DNM3: variants seen among roughly 807,000 people sequenced by gnomAD.
The protein encoded by DNM3 is dynamin 3.
DNM3 carries 47 observed loss-of-function variants against 101.6 expected under a neutral mutation model. That is an observed-to-expected ratio of 0.46 (90% CI 0.37 to 0.59). The LOEUF (loss-of-function observed/expected upper bound fraction) is 0.59. DNM3 is among the 20% of genes least tolerant of loss of function. DNM3 has a pLI of 0.00. For synonymous variants in DNM3, 385 were observed against 387.9 expected, an observed-to-expected ratio of 0.99 and a Z score of 0.09; for missense variants, 849 against 1,085.7, an observed-to-expected ratio of 0.78 and a Z score of 3.06.
chr1:172,033,116 G>T lies in DNM3; in HGVS notation c.700G>T (p.Val234Leu). Residue 234 changes from valine (V) to leucine (L), a missense_variant, in exon 6 of 21, where the codon GTG becomes TTG. This residue lies in a region of DNM3 where 388 missense variants were observed against 483.0 expected (regional missense o/e 0.80). Coordinates refer to ENST00000627582, the MANE Select transcript of DNM3 (RefSeq NM_015569.5). Reference sequence around the variant, plus strand: ...GTGTTTTGTTTCAGGTTACGTGGGGGTGGTAAACAGAAGCCAGAAGGACAT... The same window carrying T: ...GTGTTTTGTTTCAGGTTACGTGGGGTTGGTAAACAGAAGCCAGAAGGACAT... Reference protein sequence around the residue: ...LLPLRRGYVGVVNRSQKDIDG... With the variant: ...LLPLRRGYVGLVNRSQKDIDG... 1 of 1,612,208 alleles carries T rather than the reference G, an allele frequency of 6.2e-7. No homozygotes were observed. Among genetic ancestry groups the T allele is most frequent in the South Asian group, 1.1e-5 (1 of 90,672 alleles).
intron 4 of DNM3, among the ~76,000 whole-genome samples, chr1:172,006,994 AT>A (rs759474263): frequency 3.9e-5 from 6 of 152,008 alleles, no homozygotes; most frequent in Non-Finnish European, 8.8e-5. Context: ...TCAGTAGTTC[AT>A]TTTTTTAAAT....
intron 16 of DNM3, 71 bp from the exon 17 acceptor site, chr1:172,323,258 A>C: frequency 6.9e-7 from 1 of 1,457,492 alleles, no homozygotes. Context: ...AGAAGAAAAA[A>C]CCCTCATAAT....
intron 16 of DNM3, among the ~76,000 whole-genome samples, chr1:172,318,729 A>G (rs1161054133): frequency 6.6e-6 from 1 of 152,212 alleles, no homozygotes; most frequent in Non-Finnish European, 1.5e-5. Context: ...TGCTCAATGA[A>G]ATAAAAGAGG....
At chr1:172,298,696 C>T (rs746491474) in intron 15 of DNM3, among the ~76,000 whole-genome samples, 1 of 151,966 alleles carries the variant, frequency 6.6e-6, no homozygotes. Flanking sequence ...ATCATCTTCC[C>T]GGAATCCCCA....
intron 2 of DNM3, among the ~76,000 whole-genome samples, chr1:171,932,125 T>G (rs930103927): frequency 7.1e-6 from 1 of 141,600 alleles, no homozygotes; most frequent in Non-Finnish European, 1.5e-5. Context: ...CCTTCCTCTC[T>G]CTTTCTCTCT....
At chr1:172,025,255 C>T (rs1179257528) in intron 4 of DNM3, among the ~76,000 whole-genome samples, 1 of 152,248 alleles carries the variant, frequency 6.6e-6, no homozygotes, top group African/African-American at 2.4e-5. Context: ...TCTTTAGATT[C>T]CTCCTCTCTG....
In DNM3 at chr1:172,237,536, G is replaced by A. The variant is rs191146090; in HGVS notation, c.1660-16037G>A. Among the ~76,000 whole-genome samples the A allele has an allele frequency of 5.6e-3, 846 of 152,190 alleles. 10 individuals carry two copies. The highest frequency in any genetic ancestry group is 0.019 in the African/African-American group (785 of 41,540). On this transcript the variant is annotated intron_variant, in intron 14 of 20. Coordinates refer to ENST00000627582, the MANE Select transcript of DNM3 (RefSeq NM_015569.5). ...CTATTTTGAATACTTCAACCCTTTC[G>A]AGAGAATTCCAAATACACTTTTTCT...
chr1:171,986,081 G>A (rs2224396), intron 2 of DNM3, among the ~76,000 whole-genome samples: 63,826 of 151,846 alleles, frequency 0.42, 14,566 homozygotes, highest in African/African-American at 0.61. Flanking sequence ...GGATGGGTCC[G>A]AGCAGAGACT....
intron 1 of DNM3, among the ~76,000 whole-genome samples, chr1:171,888,545 C>T (rs1446180161): frequency 6.6e-6 from 1 of 152,172 alleles, no homozygotes; most frequent in Non-Finnish European, 1.5e-5. Flanking sequence ...AATAATTTAA[C>T]TGTTTTCAGT....
chr1:172,350,735 G>A (rs1390442124), intron 17 of DNM3, among the ~76,000 whole-genome samples: 1 of 152,120 alleles, frequency 6.6e-6, no homozygotes, highest in African/African-American at 2.4e-5. Context: ...TATATCAGCA[G>A]GGAACTCATC....
At chr1:172,056,090 C>G (rs1169223739) in intron 10 of DNM3, among the ~76,000 whole-genome samples, 1 of 152,142 alleles carries the variant, frequency 6.6e-6, no homozygotes, top group Admixed American at 6.5e-5. Context: ...CGGACGGCAC[C>G]TGGAAAATCG....
At chr1:172,105,690 A>T (rs1488622077) in intron 13 of DNM3, among the ~76,000 whole-genome samples, 2 of 152,182 alleles carry the variant, frequency 1.3e-5, no homozygotes, top group African/African-American at 4.8e-5. Flanking sequence ...TTAATATGAG[A>T]TGAAGTCTCA....
chr1:171,998,743 T>C (rs1451086795), intron 4 of DNM3, among the ~76,000 whole-genome samples: 1 of 152,104 alleles, frequency 6.6e-6, no homozygotes, highest in South Asian at 2.1e-4. Context: ...TGATTGGGAA[T>C]GCTGTCTTAG....
At chr1:172,047,870 C>T (rs1180438307) in intron 9 of DNM3, among the ~76,000 whole-genome samples, 2 of 152,094 alleles carry the variant, frequency 1.3e-5, no homozygotes, top group African/African-American at 4.8e-5. Context: ...AAGCCTGGAG[C>T]CTGCCAGCCT....
chr1:172,371,623 C>A (rs539037154), intron 17 of DNM3, among the ~76,000 whole-genome samples: 1 of 151,774 alleles, frequency 6.6e-6, no homozygotes, highest in African/African-American at 2.4e-5. Context: ...TATATTACCT[C>A]CACTTATAAG....
At chr1:172,031,143 G>A (rs2048575050) in intron 4 of DNM3, among the ~76,000 whole-genome samples, 1 of 152,102 alleles carries the variant, frequency 6.6e-6, no homozygotes, top group South Asian at 2.1e-4. Flanking sequence ...CAAAGAATTG[G>A]AACCAACCCA....
chr1:171,936,192 A>T (rs907344940), intron 2 of DNM3, among the ~76,000 whole-genome samples: 5 of 151,994 alleles, frequency 3.3e-5, no homozygotes, highest in African/African-American at 1.2e-4. Context: ...CCCCATCTCC[A>T]CTAAAAACAC....
At chr1:172,352,767 C>T (rs2067254595) in intron 17 of DNM3, among the ~76,000 whole-genome samples, 1 of 152,130 alleles carries the variant, frequency 6.6e-6, no homozygotes, top group Non-Finnish European at 1.5e-5. Context: ...TACCCTGGGC[C>T]TCTGGCTTCT....
At chr1:172,041,132 T>C (rs1239817068) in intron 7 of DNM3, among the ~76,000 whole-genome samples, 2 of 152,098 alleles carry the variant, frequency 1.3e-5, no homozygotes, top group Non-Finnish European at 2.9e-5. Flanking sequence ...AAAAGCAGGA[T>C]CATCATCTAG....
Sources: allele counts gnomAD v4.1 joint callset (sites outside exome capture counted in the v4.1 genomes callset), GRCh38; gene constraint gnomAD v4.1.1; regional missense constraint gnomAD v4.1.1; transcripts MANE v1.5; gene names NCBI Gene and HGNC (gene_info 2026-07-23, HGNC 2026-07-21).